Variants in RGS5 observed in about 807,000 individuals in gnomAD.
RGS5 encodes the protein regulator of G-protein signalling 5.
A neutral mutation model predicts 18.9 loss-of-function variants in RGS5; 20 were observed. The ratio of observed to expected loss-of-function variants is 1.06; its 90% CI spans 0.74 to 1.54. The LOEUF (loss-of-function observed/expected upper bound fraction) is 1.54, where lower values mean the gene tolerates loss of function less well. Ranked by LOEUF, RGS5 falls within the 40% of genes most tolerant of loss-of-function variation. RGS5 has a pLI of 0.00. For missense variants in RGS5, 201 were observed against 211.8 expected, an observed-to-expected ratio of 0.95 and a Z score of 0.32; for synonymous variants, 57 against 76.2, an observed-to-expected ratio of 0.75 and a Z score of 1.31.
chr1:163,247,001 T>C (rs1475054400), intron 2 of RGS5, among the ~76,000 whole-genome samples: 1 of 152,200 alleles, frequency 6.6e-6, no homozygotes, highest in Non-Finnish European at 1.5e-5. Context: ...AAATACTGCA[T>C]GTTCTCACTT....
intron 2 of RGS5, among the ~76,000 whole-genome samples, chr1:163,283,827 A>G (rs1649062451): frequency 1.3e-5 from 2 of 152,210 alleles, no homozygotes; most frequent in East Asian, 1.9e-4. Flanking sequence ...CCTATTTTCC[A>G]TAACTGCAAG....
intron 2 of RGS5, among the ~76,000 whole-genome samples, chr1:163,229,545 A>G (rs1029568163): frequency 1.3e-5 from 2 of 152,204 alleles, no homozygotes; most frequent in African/African-American, 4.8e-5. Context: ...CTCCATCCCT[A>G]GGTCCAATGA....
Position 163,254,890 on chromosome 1 carries a change from T to C in RGS5, c.-281+51343A>G, listed in dbSNP as rs948599259. 1.3e-3 allele frequency among the ~76,000 whole-genome samples: 199 copies of C among 151,540 alleles called. 2 individuals carry two copies. Among genetic ancestry groups the C allele is most frequent in the Admixed American group, 4.0e-3 (61 of 15,228 alleles). On this transcript the variant is annotated intron_variant, in intron 2 of 5. Coordinates refer to the RGS5 transcript ENST00000618415. ...TGGCTAGCCAGTTTTCCCAGCACCA[T>C]TTATTAAATAGGGAATCCTTTCCCC...
intron 2 of RGS5, among the ~76,000 whole-genome samples, chr1:163,241,413 G>C (rs1187909795): frequency 6.6e-6 from 1 of 152,160 alleles, no homozygotes. Flanking sequence ...CTCTTGTTAT[G>C]TATAGTTGCA....
chr1:163,203,672 T>C (rs549900238), upstream of RGS5, among the ~76,000 whole-genome samples: 2 of 152,332 alleles, frequency 1.3e-5, no homozygotes, highest in African/African-American at 2.4e-5. Context: ...AGTATAATGA[T>C]ATTATCTCTG....
At chr1:163,297,600 A>G (rs1649453310) in intron 2 of RGS5, among the ~76,000 whole-genome samples, 1 of 152,146 alleles carries the variant, frequency 6.6e-6, no homozygotes, top group African/African-American at 2.4e-5. Context: ...CATTTATCCT[A>G]AAGTTTAAAC....
At chr1:163,220,663 T>A (rs1647210520), upstream of RGS5, among the ~76,000 whole-genome samples, 1 of 152,152 alleles carries the variant, frequency 6.6e-6, no homozygotes. Context: ...ATGTCCTAGT[T>A]CAAAGAACCT....
At chr1:163,302,297 G>A (rs1649573418) in intron 2 of RGS5, among the ~76,000 whole-genome samples, 1 of 146,848 alleles carries the variant, frequency 6.8e-6, no homozygotes, top group African/African-American at 2.6e-5. Flanking sequence ...CAAGGAAACT[G>A]AGTTTCAGAT....
chr1:163,293,124 T>C lies in RGS5; in HGVS notation c.-281+13109A>G, dbSNP rs573113873. ...TGCCTGAATGGTATTGCCTGGGTTG[T>C]CTTCTACGGTTTTTATAGTTTGGAG... is the stretch of plus-strand genomic sequence containing the variant. On this transcript the variant is annotated intron_variant, in intron 2 of 5. Coordinates refer to the RGS5 transcript ENST00000618415. Among the ~76,000 whole-genome samples, 13 of 152,346 alleles carry C rather than the reference T, an allele frequency of 8.5e-5. No homozygotes were observed. In the South Asian group the frequency reaches 2.5e-3, roughly 29 times the overall value.
Position 163,154,672 on chromosome 1 carries a change from TTC to T in RGS5, c.218-1958_218-1957del, listed in dbSNP as rs943458430. ...GTAACTGGATAAAATCAGGTGTATT[TTC>T]TCTCTCTTCTAATATTTCCTACTAT... On this transcript the variant is annotated intron_variant, in intron 3 of 4. Coordinates refer to ENST00000313961, the MANE Select transcript of RGS5 (RefSeq NM_003617.4). 1.9e-4 allele frequency among the ~76,000 whole-genome samples: 29 copies of T among 152,024 alleles called. No homozygotes were observed. In the East Asian group the frequency reaches 5.2e-3, roughly 27 times the overall value.
intron 1 of RGS5, among the ~76,000 whole-genome samples, chr1:163,196,121 T>A (rs1334691646): frequency 1.3e-5 from 2 of 152,142 alleles, no homozygotes; most frequent in African/African-American, 4.8e-5. Context: ...TTAGAAACAA[T>A]CAGGCTTTCA....
rs529292550 is a variant in RGS5 at position 163,256,489 on chromosome 1, G to A, written c.-281+49744C>T. 6.6e-5 allele frequency among the ~76,000 whole-genome samples: 10 copies of A among 152,138 alleles called. No individual in the cohort carries two copies. In the South Asian group the frequency reaches 1.2e-3, roughly 19 times the overall value. ...GAAGGAGGAAGAAGCTGATGAATAC[G>A]CCTGTGATGATTTATTAATCATTTG... On this transcript the variant is annotated intron_variant, in intron 2 of 5. Transcript: ENST00000618415.
chr1:163,189,733 A>C lies in RGS5; in HGVS notation c.44+13059T>G, dbSNP rs143054401. ...TGAGATAAAGATTAATAAAGGGGTC[A>C]GGGTCTCTGGGCTTGACCCCCTTGT... On this transcript the variant is annotated intron_variant, in intron 1 of 4. Coordinates refer to ENST00000313961, the MANE Select transcript of RGS5 (RefSeq NM_003617.4). Among the ~76,000 whole-genome samples the C allele has an allele frequency of 9.3e-3, 1,411 of 152,344 alleles. 6 individuals carry two copies. The highest frequency in any genetic ancestry group is 0.016 in the Non-Finnish European group (1,087 of 68,036).
At chr1:163,263,005 C>T (rs1648485137) in intron 2 of RGS5, among the ~76,000 whole-genome samples, 1 of 152,138 alleles carries the variant, frequency 6.6e-6, no homozygotes. Context: ...CTGAAGCTCA[C>T]CTCTCAGCTA....
chr1:163,205,637 T>C (rs1278866060), upstream of RGS5, among the ~76,000 whole-genome samples: 1 of 152,052 alleles, frequency 6.6e-6, no homozygotes, highest in East Asian at 1.9e-4. Context: ...CAAAGAGATA[T>C]CCATCTGCCC....
intron 2 of RGS5, among the ~76,000 whole-genome samples, chr1:163,262,084 G>GTT (rs1648456464): frequency 6.6e-6 from 1 of 150,592 alleles, no homozygotes; most frequent in Non-Finnish European, 1.5e-5. Flanking sequence ...GGCTGACATG[G>GTT]TTAGTACTGG....
chr1:163,226,290 T>C (rs1353411914), intron 2 of RGS5, among the ~76,000 whole-genome samples: 2 of 152,176 alleles, frequency 1.3e-5, no homozygotes, highest in Non-Finnish European at 2.9e-5. Flanking sequence ...GGTATAAAAA[T>C]TGTTCACTGG....
chr1:163,219,187 C>T (rs1052001505), upstream of RGS5, among the ~76,000 whole-genome samples: 2 of 152,120 alleles, frequency 1.3e-5, no homozygotes, highest in African/African-American at 4.8e-5. Flanking sequence ...AAATTTAACA[C>T]ACTCGTACAA....
chr1:163,169,937 G>T (rs1157883920), intron 1 of RGS5, among the ~76,000 whole-genome samples: 1 of 152,176 alleles, frequency 6.6e-6, no homozygotes, highest in East Asian at 1.9e-4. Context: ...CTGCTTCTTT[G>T]TATCTTCAGT....
Sources: allele counts gnomAD v4.1 joint callset (sites outside exome capture counted in the v4.1 genomes callset), GRCh38; gene constraint gnomAD v4.1.1; transcripts MANE v1.5; gene names NCBI Gene and HGNC (gene_info 2026-07-23, HGNC 2026-07-21).